SLC2A14: variants seen among roughly 807,000 people sequenced by gnomAD.
The protein encoded by SLC2A14 is solute carrier family 2, facilitated glucose transporter member 14.
Under a neutral mutation model 43.0 loss-of-function variants are expected in SLC2A14, and 13 were observed. The observed-to-expected ratio is 0.30, with a 90% CI of 0.20 to 0.48. SLC2A14 has a LOEUF of 0.48. SLC2A14 is among the 20% of genes least tolerant of loss of function. SLC2A14 has a pLI of 0.99. For synonymous variants in SLC2A14, 190 were observed against 233.8 expected (o/e 0.81, Z 1.71); for missense variants, 428 against 620.4 (o/e 0.69, Z 3.29).
At chr12:7,840,410 G>A (rs12369932) in intron 2 of SLC2A14, among the ~76,000 whole-genome samples, 11 of 151,696 alleles carry the variant, frequency 7.3e-5, no homozygotes, top group Non-Finnish European at 1.6e-4. Flanking sequence ...ACAGAATTTC[G>A]CTCTTGTCGC....
chr12:7,879,703 AT>A lies in SLC2A14; in HGVS notation c.132+11292del, dbSNP rs796306479. Reference sequence around the variant, plus strand: ...CTGTCTCAAAAAATAAATAAAAAAAATATAACAACAAGTTTTTTAGGCCAGG... The same window carrying A: ...CTGTCTCAAAAAATAAATAAAAAAAAATAACAACAAGTTTTTTAGGCCAGG... On this transcript the variant is annotated intron_variant, in intron 1 of 9. Coordinates refer to the SLC2A14 transcript ENST00000539924. Among the ~76,000 whole-genome samples the A allele has an allele frequency of 2.2e-4, 33 of 151,798 alleles. 1 individual carries two copies. The highest frequency in any genetic ancestry group is 4.6e-4 in the African/African-American group (19 of 41,414).
At chr12:7,880,165 G>C (rs1323598970) in intron 1 of SLC2A14, among the ~76,000 whole-genome samples, 1 of 151,810 alleles carries the variant, frequency 6.6e-6, no homozygotes, top group East Asian at 1.9e-4. Flanking sequence ...GCCAGGTGTA[G>C]TGGAGCGTGC....
At chr12:7,843,869 G>A (rs763382953) in intron 2 of SLC2A14, among the ~76,000 whole-genome samples, 10 of 151,520 alleles carry the variant, frequency 6.6e-5, no homozygotes, top group Admixed American at 4.6e-4. Flanking sequence ...TCTTAGTGCT[G>A]GGGCGGTTAG....
intron 7 of SLC2A14, among the ~76,000 whole-genome samples, chr12:7,825,272 T>TAA (rs879512196): frequency 0.012 from 1,638 of 133,360 alleles, 26 homozygotes; most frequent in Middle Eastern, 0.048. Flanking sequence ...ACCAGACTGG[T>TAA]CAACATGGTG....
chr12:7,818,026 A>G lies in SLC2A14; in HGVS notation c.1080T>C (p.Tyr360=). 1.2e-6 allele frequency: 2 copies of G among 1,613,630 alleles called. No homozygotes were observed. The highest frequency in any genetic ancestry group is 1.7e-6 in the Non-Finnish European group (2 of 1,179,782). ...CAATACAGACAAAGCTCATCCCATT[A>G]TAGTGATTCTGTAAGAGGAAGGAAC... ...MTVSLLLKNH[Y]NGMSFVCIGA... The change falls in exon 10 of 11, where the codon TAT becomes TAC. Residue 360 remains tyrosine (Y), a synonymous_variant. Coordinates refer to ENST00000431042, the MANE Select transcript of SLC2A14 (RefSeq NM_001286234.2).
upstream of SLC2A14, chr12:7,873,476 T>C (rs144118176): frequency 1.9e-3 from 894 of 481,482 alleles, 38 homozygotes; most frequent in South Asian, 0.063. Context: ...ACCCAGTCTT[T>C]ACTAAAAATA....
chr12:7,846,186 A>C lies in SLC2A14; in HGVS notation c.19-13372T>G, dbSNP rs1373360393. 2.6e-5 allele frequency among the ~76,000 whole-genome samples: 4 copies of C among 152,124 alleles called. 1 individual carries two copies. Among genetic ancestry groups the C allele is most frequent in the Admixed American group, 2.6e-4 (4 of 15,258 alleles). ...GACCTACAGAATCAGAATTACTGAG[A>C]GTAGAGCTCAGGAATTTGTGTCTAA... On this transcript the variant is annotated intron_variant, in intron 2 of 10. Transcript: ENST00000431042.
At chr12:7,871,669 G>A (rs1945242543) in intron 1 of SLC2A14, among the ~76,000 whole-genome samples, 1 of 152,020 alleles carries the variant, frequency 6.6e-6, no homozygotes, top group Admixed American at 6.6e-5. Flanking sequence ...CTGAGAGAAA[G>A]CCCCCAAGAC....
At position 7,828,127 on chromosome 12, in the gene SLC2A14, G is replaced by T. The variant is rs1172921348; in HGVS notation, c.677-445C>A. On this transcript the variant is annotated intron_variant, in intron 6 of 10. Transcript: ENST00000431042. Reference sequence around the variant, plus strand: ...ACCTGTAATCCCATCACTTTGGGAGGCCAAGGCAGGCGAATCACAAGGTCA... The same window carrying T: ...ACCTGTAATCCCATCACTTTGGGAGTCCAAGGCAGGCGAATCACAAGGTCA... Among the ~76,000 whole-genome samples, 3 of 152,018 alleles carry T rather than the reference G, an allele frequency of 2.0e-5. No individual in the cohort carries two copies. In the East Asian group the frequency reaches 5.8e-4, roughly 29 times the overall value.
At chr12:7,814,734 T>C (rs954285205) in intron 10 of SLC2A14, among the ~76,000 whole-genome samples, 200 bp from the exon 11 acceptor site, 1 of 149,364 alleles carries the variant, frequency 6.7e-6, no homozygotes, top group African/African-American at 2.6e-5. Flanking sequence ...CTTTCTGTCA[T>C]TTTTTTTCAT....
rs1479383232 is a variant in SLC2A14 at position 7,842,009 on chromosome 12, AG to A, written c.19-9196del. ...AACAAGAGCGAAACTCTGTCTCAAA[AG>A]AAAAAAAAAAAAAAGATCCCATGTT... On this transcript the variant is annotated intron_variant, in intron 2 of 10. Coordinates refer to ENST00000431042, the MANE Select transcript of SLC2A14 (RefSeq NM_001286234.2). Among the ~76,000 whole-genome samples the A allele has an allele frequency of 2.5e-3, 382 of 150,648 alleles. 1 individual carries two copies. Among genetic ancestry groups the A allele is most frequent in the African/African-American group, 8.6e-3 (348 of 40,500 alleles).
rs1312395381 is a variant in SLC2A14, at chr12:7,826,897, CT to C, written c.864+597del. Among the ~76,000 whole-genome samples the C allele has an allele frequency of 1.1e-3, 69 of 64,032 alleles. 4 individuals are homozygous for C. Among genetic ancestry groups the C allele is most frequent in the Non-Finnish European group, 1.6e-3 (55 of 34,280 alleles). 42.0% of individuals were successfully genotyped at this position (64,032 alleles called of 152,430 possible). A position where few individuals can be genotyped will look rare whatever the true frequency, so the allele number is the denominator to read the frequency against. On this transcript the variant is annotated intron_variant, in intron 7 of 10. Coordinates refer to ENST00000431042, the MANE Select transcript of SLC2A14 (RefSeq NM_001286234.2). ...TCTTTCTTTCTTTCTTTCTTTCTTT[CT>C]TTCTTTCTTTCTTTCTTTTTCCTTT...
intron 6 of SLC2A14, 144 bp from the exon 7 acceptor site, chr12:7,827,826 T>C: frequency 2.0e-6 from 3 of 1,473,112 alleles, no homozygotes; most frequent in African/African-American, 1.4e-5. Flanking sequence ...CCTCATTCTT[T>C]AGGGGCTGAA....
chr12:7,815,908 T>G (rs1863406205), intron 10 of SLC2A14, among the ~76,000 whole-genome samples: 1 of 150,810 alleles, frequency 6.6e-6, no homozygotes, highest in Non-Finnish European at 1.5e-5. Flanking sequence ...TTGTTTTTGT[T>G]TTTGTTTTTG....
At chr12:7,825,970 T>TA (rs1039705716) in intron 7 of SLC2A14, among the ~76,000 whole-genome samples, 4 of 139,080 alleles carry the variant, frequency 2.9e-5, no homozygotes, top group Admixed American at 2.8e-4. Context: ...TTATTCTTTC[T>TA]TTTTTTTTTT....
chr12:7,828,631 A>C, intron 6 of SLC2A14, 73 bp downstream of exon 6: 1 of 1,462,950 alleles, frequency 6.8e-7, no homozygotes, highest in Non-Finnish European at 9.4e-7. Context: ...GACAGAAAAT[A>C]GATCCAGTAC....
chr12:7,863,234 TCA>T, intron 2 of SLC2A14: 1 of 342,060 alleles, frequency 2.9e-6, no homozygotes, highest in Non-Finnish European at 5.8e-6. Flanking sequence ...GCTGCGACAC[TCA>T]CGGCGGAAGT....
At chr12:7,833,713 C>T (rs569628751) in intron 2 of SLC2A14, among the ~76,000 whole-genome samples, 2 of 150,412 alleles carry the variant, frequency 1.3e-5, no homozygotes, top group South Asian at 2.1e-4. Context: ...CCCTGAGAGG[C>T]GGAGGTTGCA....
At chr12:7,869,076 G>A (rs11056231) in intron 2 of SLC2A14, among the ~76,000 whole-genome samples, 20,505 of 150,888 alleles carry the variant, frequency 0.14, 1,637 homozygotes, top group East Asian at 0.35. Flanking sequence ...CCCAGGAGGC[G>A]GAGGTTGCGG....
Sources: gnomAD v4.1 joint callset for allele counts (sites outside exome capture counted in the v4.1 genomes callset) on GRCh38, gnomAD v4.1.1 for gene constraint, MANE v1.5 for transcripts, NCBI Gene and HGNC (gene_info 2026-07-23, HGNC 2026-07-21) for gene names.